GLI3: variants seen among roughly 807,000 people sequenced by gnomAD.
GLI3 encodes the protein transcription activator GLI3.
In GLI3, 20 loss-of-function variants were observed where a neutral mutation model predicts 100.8. The observed-to-expected ratio is 0.20, with a 90% CI of 0.14 to 0.29. The LOEUF (loss-of-function observed/expected upper bound fraction) is 0.29. GLI3 is among the 10% of genes least tolerant of loss of function. The pLI, the probability that GLI3 is intolerant of heterozygous loss-of-function variation, is 1.00. For missense variants in GLI3, 2,040 were observed against 2,128.5 expected, an observed-to-expected ratio of 0.96 and a Z score of 0.82; for synonymous variants, 938 against 860.5, an observed-to-expected ratio of 1.09 and a Z score of -1.58.
intron 14 of GLI3, 115 bp downstream of exon 14, chr7:41,967,481 T>C: frequency 2.6e-6 from 2 of 774,980 alleles, no homozygotes; most frequent in East Asian, 4.9e-5. Context: ...AACGGATGGT[T>C]ACAGCGTCAT....
At chr7:42,073,008 T>C (rs955393762) in intron 4 of GLI3, among the ~76,000 whole-genome samples, 1 of 152,174 alleles carries the variant, frequency 6.6e-6, no homozygotes, top group African/African-American at 2.4e-5. Flanking sequence ...ATTCCTCATA[T>C]CCAGTGTTTC....
intron 3 of GLI3, chr7:42,145,455 T>G (rs1018039429): frequency 2.5e-6 from 1 of 398,086 alleles, no homozygotes; most frequent in Non-Finnish European, 4.4e-6. Flanking sequence ...AAAAAAGTTA[T>G]AGTCGATCTA....
chr7:42,209,431 G>T (rs1288145496), intron 2 of GLI3, among the ~76,000 whole-genome samples: 1 of 152,142 alleles, frequency 6.6e-6, no homozygotes, highest in Non-Finnish European at 1.5e-5. Flanking sequence ...ACCCAAGATG[G>T]ACCCATACAT....
At chr7:42,148,135 G>GCGCACACA (rs1554333868) in intron 3 of GLI3, 91 bp downstream of exon 3, 5 of 867,470 alleles carry the variant, frequency 5.8e-6, no homozygotes, top group Admixed American at 3.0e-5. Flanking sequence ...CATAAAGCGC[G>GCGCACACA]CACACACACA....
chr7:42,238,083 C>T (rs888170829), upstream of GLI3, among the ~76,000 whole-genome samples: 1 of 150,904 alleles, frequency 6.6e-6, no homozygotes, highest in Non-Finnish European at 1.5e-5. Context: ...ACATTCATGC[C>T]TGCTCCTCCT....
rs145628570 is a variant in GLI3 at position 42,134,034 on chromosome 7, T to C, written c.367+14192A>G. Among the ~76,000 whole-genome samples the C allele has an allele frequency of 3.8e-3, 571 of 151,470 alleles. 5 individuals are homozygous for C. Among genetic ancestry groups the C allele is most frequent in the East Asian group, 0.032 (165 of 5,112 alleles). On this transcript the variant is annotated intron_variant, in intron 3 of 14. Transcript: ENST00000395925. The stretch of plus-strand genomic sequence containing the variant: ...AGGTGGAGGTTGCAGTGAGCCGAGA[T>C]TGTGCCACTGCACTCCAGCCTGGGC...
At chr7:42,255,993 A>G (rs903222928) in intron 1 of GLI3, among the ~76,000 whole-genome samples, 4 of 152,090 alleles carry the variant, frequency 2.6e-5, no homozygotes, top group African/African-American at 9.7e-5. Flanking sequence ...TTTTGTTTAT[A>G]GTTATTCTAG....
At chr7:42,202,344 TCTCA>T (rs1360255012) in intron 2 of GLI3, among the ~76,000 whole-genome samples, 2,207 of 35,290 alleles carry the variant, frequency 0.063, 39 homozygotes, top group African/African-American at 0.1. Flanking sequence ...TCTCTCTCTC[TCTCA>T]CACACACACA....
At position 41,994,134 on chromosome 7, in the gene GLI3, T is replaced by A. The variant is rs192876342; in HGVS notation, c.1498-15386A>T. Among the ~76,000 whole-genome samples the A allele has an allele frequency of 1.8e-3, 268 of 152,300 alleles. 1 individual carries two copies. The highest frequency in any genetic ancestry group is 5.8e-3 in the African/African-American group (243 of 41,550). ...AATAATCTGATGCTTTATCGTAGGTTTCTCTTGAAATAATTCATTAAAGCA... is the reference window on the plus strand; with the variant it reads ...AATAATCTGATGCTTTATCGTAGGTATCTCTTGAAATAATTCATTAAAGCA... On this transcript the variant is annotated intron_variant, in intron 10 of 14. Coordinates refer to ENST00000395925, the MANE Select transcript of GLI3 (RefSeq NM_000168.6).
At chr7:42,256,286 A>G (rs1789084348) in intron 1 of GLI3, among the ~76,000 whole-genome samples, 1 of 151,740 alleles carries the variant, frequency 6.6e-6, no homozygotes, top group Non-Finnish European at 1.5e-5. Flanking sequence ...TTTAATGTTG[A>G]TGAAGTCCAA....
intron 3 of GLI3, among the ~76,000 whole-genome samples, chr7:42,144,261 G>A (rs1403467331): frequency 1.3e-5 from 2 of 152,058 alleles, no homozygotes; most frequent in Non-Finnish European, 2.9e-5. Flanking sequence ...CAGAGGATGG[G>A]GCTTCTTACC....
chr7:42,176,007 G>A (rs1366914918), intron 2 of GLI3, among the ~76,000 whole-genome samples: 1 of 151,994 alleles, frequency 6.6e-6, no homozygotes, highest in African/African-American at 2.4e-5. Flanking sequence ...AACAGTACAG[G>A]GCCCAAAACC....
At chr7:42,078,991 A>C (rs1396987513) in intron 3 of GLI3, among the ~76,000 whole-genome samples, 1 of 152,078 alleles carries the variant, frequency 6.6e-6, no homozygotes, top group African/African-American at 2.4e-5. Context: ...GGCCTCCCAA[A>C]GTGCTGGGAT....
intron 3 of GLI3, among the ~76,000 whole-genome samples, chr7:42,129,945 C>T (rs1319481985): frequency 6.6e-6 from 1 of 152,204 alleles, no homozygotes; most frequent in East Asian, 1.9e-4. Flanking sequence ...AATTTTATGA[C>T]TCTTTTTCAA....
intron 2 of GLI3, among the ~76,000 whole-genome samples, chr7:42,172,231 C>G (rs78210494): frequency 0.078 from 11,905 of 151,880 alleles, 1,585 homozygotes; most frequent in African/African-American, 0.27. Context: ...GAAGTTTTCA[C>G]TTGGGAACAT....
chr7:42,243,959 G>A (rs1788948224), intron 1 of GLI3, among the ~76,000 whole-genome samples: 1 of 152,058 alleles, frequency 6.6e-6, no homozygotes, highest in African/African-American at 2.4e-5. Flanking sequence ...TCAGCCTCCC[G>A]AGTAGCTGGG....
chr7:42,182,644 G>GTATATATATATATATATATATATATA (rs764864618), intron 2 of GLI3, among the ~76,000 whole-genome samples: 1 of 51,694 alleles, frequency 1.9e-5, no homozygotes, highest in Non-Finnish European at 3.2e-5. Flanking sequence ...ATATGTGTGT[G>GTATATATATATATATATATATATATA]TATATATATA....
rs2128707027 is a variant in GLI3 at position 41,967,728 on chromosome 7, T to C, written c.2299A>G (p.Arg767Gly). 6.2e-7 allele frequency: 1 copy of C among 1,614,216 alleles called. No individual in the cohort carries two copies. The highest frequency in any genetic ancestry group is 8.5e-7 in the Non-Finnish European group (1 of 1,180,034). ...ATTALALQARRNPAGTKWMEH... is the reference protein window; with the variant it reads ...ATTALALQARGNPAGTKWMEH... ...ATCCATTTGGTCCCTGCCGGGTTTC[T>C]CCTGGCTTGCAAAGCAAGGGCTGTG... Residue 767 changes from arginine (R) to glycine (G), a missense_variant, in exon 14 of 15, where the codon AGA becomes GGA. Arg to Gly is a moderately radical substitution (Grantham distance 125). Transcript: ENST00000395925.
Position 42,182,671 on chromosome 7 carries a change from T to TAC in GLI3, c.125-34204_125-34203insGT, listed in dbSNP as rs1289532207. Among the ~76,000 whole-genome samples the TAC allele has an allele frequency of 9.7e-5, 9 of 92,816 alleles. 1 individual carries two copies. The highest frequency in any genetic ancestry group is 9.6e-4 in the Admixed American group (9 of 9,364). The allele number at this position is 92,816 out of a possible 152,430, so 60.9% of individuals were successfully genotyped here. ...ATATATATATATATATATATATATA[T>TAC]ATATATATATACACATGTGTGTATA... On this transcript the variant is annotated intron_variant, in intron 2 of 14. Transcript: ENST00000395925.
Sources: gnomAD v4.1 joint callset for allele counts (sites outside exome capture counted in the v4.1 genomes callset) on GRCh38, gnomAD v4.1.1 for gene constraint, MANE v1.5 for transcripts, NCBI Gene and HGNC (gene_info 2026-07-23, HGNC 2026-07-21) for gene names.